The following ATP2C1 variants were observed in gnomAD, a reference collection of about 807,000 sequenced individuals.
The protein encoded by ATP2C1 is ATPase secretory pathway Ca2+ transporting 1, also known as calcium-transporting ATPase type 2C member 1.
ATP2C1 carries 31 observed loss-of-function variants against 120.5 expected under a neutral mutation model. The observed-to-expected ratio is 0.26, with a 90% CI of 0.19 to 0.35. The LOEUF (loss-of-function observed/expected upper bound fraction) is 0.35. Ranked by LOEUF, ATP2C1 falls within the 10% of genes least tolerant of loss-of-function variation. ATP2C1 has a pLI of 1.00. For synonymous variants in ATP2C1, 351 were observed against 358.7 expected (o/e 0.98, Z 0.24); for missense variants, 731 against 1,107.5 (o/e 0.66, Z 4.83).
chr3:130,987,371 G>A (rs553216009), intron 20 of ATP2C1, among the ~76,000 whole-genome samples: 20 of 152,120 alleles, frequency 1.3e-4, no homozygotes, highest in Non-Finnish European at 2.2e-4. Context: ...GAGTGTAGTG[G>A]TGTGACCATA....
At chr3:130,880,047 G>T (rs1195438310) in intron 1 of ATP2C1, among the ~76,000 whole-genome samples, 1 of 152,172 alleles carries the variant, frequency 6.6e-6, no homozygotes, top group Non-Finnish European at 1.5e-5. Context: ...CCTAGGAGGA[G>T]TGCAAAGGTG....
Position 130,894,306 on chromosome 3 carries a change from G to A in ATP2C1, c.-212G>A, listed in dbSNP as rs2107899282. 2 of 987,314 alleles carry A rather than the reference G, an allele frequency of 2.0e-6. No individual in the cohort carries two copies. The highest frequency in any genetic ancestry group is 2.4e-6 in the Non-Finnish European group (2 of 831,056). The allele number at this position is 987,314 out of a possible 1,614,324, so 61.2% of individuals were successfully genotyped here. ...CCGCGAGCCCCGCGGCTGAGACCCC[G>A]CAGCCTGGAGGAGGGCTGTCCGGGG... On this transcript the variant is annotated 5_prime_UTR_variant, in exon 1 of 28. Transcript: ENST00000510168. The surrounding 1 kb of genome is among the most constrained non-coding windows in gnomAD (Gnocchi z 4.5).
At chr3:131,016,376 A>C in exon 27 of ATP2C1, 1 of 1,610,282 alleles carries the variant, frequency 6.2e-7, no homozygotes, top group Non-Finnish European at 8.5e-7. Context: ...GTATTTCTAA[A>C]AGCACTGTAA....
In ATP2C1 at chr3:130,964,990, CGAA is replaced by C; in HGVS notation, c.1071_1073del (p.Lys357del). The C allele has an allele frequency of 6.2e-7, 1 of 1,611,806 alleles. No homozygotes were observed. Among genetic ancestry groups the C allele is most frequent in the Non-Finnish European group, 8.5e-7 (1 of 1,178,542 alleles). ...TGTTCAGATAAAACTGGAACACTGACGAAGAATGAAATGACTGTTACTCACATA... is the reference window on the plus strand; with the variant it reads ...TGTTCAGATAAAACTGGAACACTGACGAATGAAATGACTGTTACTCACATA... On this transcript the variant is annotated inframe_deletion, in exon 14 of 28. Transcript: ENST00000510168.
At chr3:130,974,103 T>G (rs924508071) in intron 17 of ATP2C1, among the ~76,000 whole-genome samples, 1 of 152,154 alleles carries the variant, frequency 6.6e-6, no homozygotes, top group African/African-American at 2.4e-5. Flanking sequence ...GCTTCTTTGT[T>G]GTTGTGAAAA....
chr3:130,925,565 AG>A (rs1224952778), intron 2 of ATP2C1, among the ~76,000 whole-genome samples: 1 of 152,068 alleles, frequency 6.6e-6, no homozygotes. Context: ...TCCAGCTGGG[AG>A]TTGGCACTTT....
intron 26 of ATP2C1, chr3:131,014,164 C>T (rs1204703623): frequency 1.9e-6 from 3 of 1,613,802 alleles, no homozygotes; most frequent in Non-Finnish European, 2.5e-6. Flanking sequence ...GTGGTTCTCC[C>T]TCTGTTCTTA....
rs2062971204 is a variant in ATP2C1 at position 131,003,139 on chromosome 3, T to G, written c.*1789T>G. On this transcript the variant is annotated 3_prime_UTR_variant, in exon 28 of 28. Transcript: ENST00000510168. ...TTTGTACTATAAAAATAAAAATGAT[T>G]TCTTAAGTTAATGACATCCCAGTGG... The G allele has an allele frequency of 1.0e-6, 1 of 982,814 alleles. No individual in the cohort carries two copies. Among genetic ancestry groups the G allele is most frequent in the Non-Finnish European group, 1.2e-6 (1 of 827,148 alleles). 60.9% of individuals were successfully genotyped at this position (982,814 alleles called of 1,614,324 possible).
chr3:131,016,617 G>A, exon 27 of ATP2C1: 1 of 437,320 alleles, frequency 2.3e-6, no homozygotes, highest in Non-Finnish European at 4.2e-6. Context: ...CCATAAACAT[G>A]TCTGCATTTG....
intron 5 of ATP2C1, among the ~76,000 whole-genome samples, chr3:130,936,052 C>G (rs1372173811): frequency 6.6e-6 from 1 of 152,188 alleles, no homozygotes; most frequent in Admixed American, 6.5e-5. Flanking sequence ...CAAGGAAAGG[C>G]AACTGGCAGA....
intron 20 of ATP2C1, among the ~76,000 whole-genome samples, chr3:130,984,333 A>G (rs988582567): frequency 1.1e-4 from 16 of 152,144 alleles, no homozygotes; most frequent in Admixed American, 2.6e-4. Context: ...GATTATTTTT[A>G]TACACTAAAT....
intron 20 of ATP2C1, among the ~76,000 whole-genome samples, chr3:130,981,757 T>C (rs2061774868): frequency 6.6e-6 from 1 of 152,362 alleles, no homozygotes; most frequent in African/African-American, 2.4e-5. Context: ...TTCTGATAAG[T>C]GTACAATGGT....
chr3:130,921,079 CTTTTTTTTTT>C (rs1170193033), intron 2 of ATP2C1, among the ~76,000 whole-genome samples: 1 of 128,562 alleles, frequency 7.8e-6, no homozygotes, highest in Non-Finnish European at 1.6e-5. Context: ...AGTTTTCTTT[CTTTTTTTTTT>C]TTTTTTTTTT....
chr3:130,930,593 G>A (rs2059410327), intron 3 of ATP2C1, 67 bp downstream of exon 3: 1 of 1,015,608 alleles, frequency 9.8e-7, no homozygotes, highest in Non-Finnish European at 1.6e-6. Context: ...CTATAAAACA[G>A]TGCTGTCTAA....
At chr3:130,919,804 C>T (rs852210) in intron 2 of ATP2C1, among the ~76,000 whole-genome samples, 72,116 of 152,064 alleles carry the variant, frequency 0.47, 19,126 homozygotes, top group Middle Eastern at 0.64. Flanking sequence ...TTTTGCATTC[C>T]CACCAACAGG....
intron 17 of ATP2C1, among the ~76,000 whole-genome samples, chr3:130,973,185 T>C (rs933971086): frequency 2.0e-5 from 3 of 152,130 alleles, no homozygotes; most frequent in African/African-American, 7.2e-5. Flanking sequence ...TATCAACTAA[T>C]GCTGGAAAAT....
At chr3:130,984,939 G>A (rs775726513) in intron 20 of ATP2C1, among the ~76,000 whole-genome samples, 12 of 152,162 alleles carry the variant, frequency 7.9e-5, no homozygotes, top group Non-Finnish European at 1.3e-4. Flanking sequence ...ACATAGGACT[G>A]TTATGAGCAT....
intron 20 of ATP2C1, among the ~76,000 whole-genome samples, chr3:130,989,709 G>C (rs774714954): frequency 6.6e-6 from 1 of 151,830 alleles, no homozygotes; most frequent in Non-Finnish European, 1.5e-5. Flanking sequence ...TTGTTCCTTT[G>C]TGTGTTTTGT....
At chr3:130,975,593 A>G in intron 18 of ATP2C1, 105 bp downstream of exon 18, 6 of 1,315,848 alleles carry the variant, frequency 4.6e-6, no homozygotes, top group Non-Finnish European at 6.4e-6. Context: ...CACTTCCAGG[A>G]TTTGTAGAAC....
Sources: allele counts gnomAD v4.1 joint callset (sites outside exome capture counted in the v4.1 genomes callset), GRCh38; gene constraint gnomAD v4.1.1; non-coding constraint Gnocchi (gnomAD v3.1); transcripts MANE v1.5; gene names NCBI Gene and HGNC (gene_info 2026-07-23, HGNC 2026-07-21).